GDF7: variants seen among roughly 807,000 people sequenced by gnomAD.
GDF7 encodes growth differentiation factor 7.
In GDF7, 12 loss-of-function variants were observed where a neutral mutation model predicts 13.4. The ratio of observed to expected loss-of-function variants is 0.90; its 90% CI spans 0.57 to 1.45. The LOEUF (loss-of-function observed/expected upper bound fraction) is 1.45. GDF7 is among the 40% of genes most tolerant of loss of function. GDF7 has a pLI of 0.00. For synonymous variants in GDF7, 330 were observed against 306.4 expected (o/e 1.08, Z -0.80); for missense variants, 651 against 652.4 (o/e 1.00, Z 0.02).
At position 20,677,251 on chromosome 2, in the gene GDF7, C is replaced by T. The variant is rs1662245355; in HGVS notation, c.*5826C>T. On this transcript the variant is annotated 3_prime_UTR_variant, in exon 2 of 2. Transcript: ENST00000272224. ...GAAACTTTTAATCTCTTTTCTATGT[C>T]AGTAAGGGGATGCTGAAATAAACTG... The T allele has an allele frequency of 6.6e-6, 1 of 152,214 alleles. No homozygotes were observed. The highest frequency in any genetic ancestry group is 2.4e-5 in the African/African-American group (1 of 41,454). 9.4% of individuals were successfully genotyped at this position (152,214 alleles called of 1,614,324 possible).
At position 20,671,065 on chromosome 2, in the gene GDF7, G is replaced by C. The variant is rs1170103862; in HGVS notation, c.993G>C (p.Gln331His). 29 of 1,499,454 alleles carry C rather than the reference G, an allele frequency of 1.9e-5. No individual in the cohort carries two copies. Among genetic ancestry groups the C allele is most frequent in the Middle Eastern group, 1.7e-4 (1 of 5,718 alleles). The allele number at this position is 1,499,454 out of a possible 1,614,324, so 92.9% of individuals were successfully genotyped here. The change falls in exon 2 of 2, where the codon CAG becomes CAC. Residue 331 changes from glutamine (Q) to histidine (H), a missense_variant. By Grantham distance (24) the Gln-to-His change is conservative. Transcript: ENST00000272224. ...CGTTGGCCGGGACGCGGACAGCGCA[G>C]GGCAGCGGCGGGGGCGCGGGCCGGG... ...RTALAGTRTAQGSGGGAGRGH... is the reference protein window; with the variant it reads ...RTALAGTRTAHGSGGGAGRGH...
intron 1 of GDF7, among the ~76,000 whole-genome samples, chr2:20,668,239 C>T (rs1434809256): frequency 6.6e-6 from 1 of 152,128 alleles, no homozygotes; most frequent in African/African-American, 2.4e-5. Context: ...GTGTGTGTGA[C>T]ATGTGCAGCT....
Position 20,667,214 on chromosome 2 carries a change from GC to G in GDF7, c.-23del, listed in dbSNP as rs1291376623. 2.6e-6 allele frequency: 3 copies of G among 1,152,470 alleles called. No individual in the cohort carries two copies. The highest frequency in any genetic ancestry group is 3.2e-6 in the Non-Finnish European group (3 of 936,866). 71.4% of individuals were successfully genotyped at this position (1,152,470 alleles called of 1,614,324 possible). ...TTCCCGGAGCCACGGAGCCCGCGCC[GC>G]CCGCCCGCCCGGCCCACGGAGCCCA... On this transcript the variant is annotated 5_prime_UTR_variant, in exon 1 of 2. Coordinates refer to ENST00000272224, the MANE Select transcript of GDF7 (RefSeq NM_182828.4). This position sits in a 1 kb window ranked among gnomAD's most constrained non-coding sequence, Gnocchi z 6.4.
In GDF7 at chr2:20,668,953, C is replaced by G. The variant is rs555550310; in HGVS notation, c.391+1323C>G. On this transcript the variant is annotated intron_variant, in intron 1 of 1. Transcript: ENST00000272224. ...CAGGAGAAGGGGGGTGTGCTGGGCTCTAAGTGGGCACAGGCACCAGAGTCT... is the reference window on the plus strand; with the variant it reads ...CAGGAGAAGGGGGGTGTGCTGGGCTGTAAGTGGGCACAGGCACCAGAGTCT... 4.6e-5 allele frequency among the ~76,000 whole-genome samples: 7 copies of G among 151,976 alleles called. No individual in the cohort carries two copies. In the South Asian group the frequency reaches 1.5e-3, roughly 32 times the overall value.
rs1240594036 is a variant in GDF7 at position 20,673,288 on chromosome 2, G to A, written c.*1863G>A. 6.6e-6 allele frequency: 1 copy of A among 152,116 alleles called. No homozygotes were observed. The highest frequency in any genetic ancestry group is 1.5e-5 in the Non-Finnish European group (1 of 68,032). 9.4% of individuals were successfully genotyped at this position (152,116 alleles called of 1,614,324 possible). A position where few individuals can be genotyped will look rare whatever the true frequency, so the allele number is the denominator to read the frequency against. Reference sequence around the variant, plus strand: ...GTGAATTTATATTCTGTGGCTGTATGAGTAGCTATAAATAACCAGAACATG... The same window carrying A: ...GTGAATTTATATTCTGTGGCTGTATAAGTAGCTATAAATAACCAGAACATG... On this transcript the variant is annotated 3_prime_UTR_variant, in exon 2 of 2. Transcript: ENST00000272224.
Position 20,667,935 on chromosome 2 carries a change from G to A in GDF7, c.391+305G>A, listed in dbSNP as rs1475290157. Among the ~76,000 whole-genome samples, 1 of 152,208 alleles carries A rather than the reference G, an allele frequency of 6.6e-6. No individual in the cohort carries two copies. The highest frequency in any genetic ancestry group is 1.5e-5 in the Non-Finnish European group (1 of 68,032). On this transcript the variant is annotated intron_variant, in intron 1 of 1. Coordinates refer to ENST00000272224, the MANE Select transcript of GDF7 (RefSeq NM_182828.4). This position sits in a 1 kb window ranked among gnomAD's most constrained non-coding sequence, Gnocchi z 6.4. ...AGGCGGAGGCCAAGATTCGCTTCTT[G>A]GGGAATGGTCTGGAGTGGCCTCGGA...
In GDF7 at chr2:20,671,004, G is replaced by C; in HGVS notation, c.932G>C (p.Arg311Thr). 1 of 1,549,246 alleles carries C rather than the reference G, an allele frequency of 6.5e-7. No individual in the cohort carries two copies. The highest frequency in any genetic ancestry group is 2.5e-5 in the East Asian group (1 of 39,796). Residue 311 changes from arginine to threonine, a missense_variant, in exon 2 of 2, where the codon AGG becomes ACG. Transcript: ENST00000272224. The part of the protein sequence containing the change: ...PDPGTGTASP[R>T]AVIGGRRRRR... ...CCAGGAACCGGCACCGCGTCGCCAA[G>C]GGCAGTCATTGGCGGCCGCAGACGG...
In GDF7 at chr2:20,676,920, T is replaced by A. The variant is rs1023641137; in HGVS notation, c.*5495T>A. The A allele has an allele frequency of 1.3e-5, 2 of 152,232 alleles. No homozygotes were observed. Among genetic ancestry groups the A allele is most frequent in the Non-Finnish European group, 2.9e-5 (2 of 68,048 alleles). The allele number at this position is 152,232 out of a possible 1,614,324, so 9.4% of individuals were successfully genotyped here. A position where few individuals can be genotyped will look rare whatever the true frequency, so the allele number is the denominator to read the frequency against. ...GCAGAGCAGCGTGCGATGGTCCACT[T>A]CCTCCTGCCTCTGCAGAGCTTGCAG... On this transcript the variant is annotated 3_prime_UTR_variant, in exon 2 of 2. Coordinates refer to ENST00000272224, the MANE Select transcript of GDF7 (RefSeq NM_182828.4).
chr2:20,672,404 A>T lies in GDF7; in HGVS notation c.*979A>T, dbSNP rs189473354. On this transcript the variant is annotated 3_prime_UTR_variant, in exon 2 of 2. Coordinates refer to ENST00000272224, the MANE Select transcript of GDF7 (RefSeq NM_182828.4). ...GACCTGCCAGGAGGTTTTCCTAAGA[A>T]GCCAGGGAAGAGGCTCTCAGGGCTT... The T allele has an allele frequency of 6.6e-6, 1 of 152,294 alleles. No individual in the cohort carries two copies. The highest frequency in any genetic ancestry group is 1.9e-4 in the East Asian group (1 of 5,186). The allele number at this position is 152,294 out of a possible 1,614,324, so 9.4% of individuals were successfully genotyped here.
At position 20,667,161 on chromosome 2, in the gene GDF7, A is replaced by G; in HGVS notation, c.-79A>G. On this transcript the variant is annotated 5_prime_UTR_variant, in exon 1 of 2. Transcript: ENST00000272224. This position sits in a 1 kb window ranked among gnomAD's most constrained non-coding sequence, Gnocchi z 6.4. Reference sequence around the variant, plus strand: ...CCGCGCACACTTCCCCCATTATTAAACACTATGTTCAAAAGGCGCCGGGGG... The same window carrying G: ...CCGCGCACACTTCCCCCATTATTAAGCACTATGTTCAAAAGGCGCCGGGGG... 9.6e-7 allele frequency: 1 copy of G among 1,042,976 alleles called. No homozygotes were observed. The allele number at this position is 1,042,976 out of a possible 1,614,324, so 64.6% of individuals were successfully genotyped here.
rs1301170599 is a variant in GDF7 at position 20,671,642 on chromosome 2, G to A, written c.*217G>A. 7.0e-6 allele frequency: 4 copies of A among 573,546 alleles called. No individual in the cohort carries two copies. The highest frequency in any genetic ancestry group is 1.2e-5 in the Non-Finnish European group (4 of 322,046). The allele number at this position is 573,546 out of a possible 1,614,324, so 35.5% of individuals were successfully genotyped here. ...AAGCCTTGGGAAGAGATGACCTGCC[G>A]GTACCGAATGTCAAAGCCCTGTGTA... On this transcript the variant is annotated 3_prime_UTR_variant, in exon 2 of 2. Transcript: ENST00000272224.
Position 20,667,362 on chromosome 2 carries a change from G to GGGCAGC in GDF7, c.126_127insAGCGGC (p.Gly42_Gly43insSerGly). On this transcript the variant is annotated inframe_insertion, in exon 1 of 2. Transcript: ENST00000272224. The surrounding 1 kb of genome is among the most constrained non-coding windows in gnomAD (Gnocchi z 6.4). Reference sequence around the variant, plus strand: ...GGGCTGGGCCGGTCCGGAGCCCAGGGGGCGGCGGCGGCGGCGGCGGCGGCG... The same window carrying GGGCAGC: ...GGGCTGGGCCGGTCCGGAGCCCAGGGGGCAGCGGCGGCGGCGGCGGCGGCGGCGGCG... 1.2e-6 allele frequency: 1 copy of GGGCAGC among 808,850 alleles called. No homozygotes were observed. Among genetic ancestry groups the GGGCAGC allele is most frequent in the Non-Finnish European group, 1.5e-6 (1 of 671,716 alleles). The allele number at this position is 808,850 out of a possible 1,614,324, so 50.1% of individuals were successfully genotyped here.
rs1057335809 is a variant in GDF7, at chr2:20,676,467, A to G, written c.*5042A>G. 2 of 152,284 alleles carry G rather than the reference A, an allele frequency of 1.3e-5. No homozygotes were observed. Among genetic ancestry groups the G allele is most frequent in the African/African-American group, 4.8e-5 (2 of 41,466 alleles). 9.4% of individuals were successfully genotyped at this position (152,284 alleles called of 1,614,324 possible). A position where few individuals can be genotyped will look rare whatever the true frequency, so the allele number is the denominator to read the frequency against. ...TGTGTGCACAGCTTAGTGCGTCACA[A>G]ATAGTAACTGAGTGAGGCTGTTGTG... On this transcript the variant is annotated 3_prime_UTR_variant, in exon 2 of 2. Transcript: ENST00000272224.
Position 20,667,554 on chromosome 2 carries a change from CG to C in GDF7, c.319del (p.Ala107GlnfsTer97), listed in dbSNP as rs1310950479. 1 of 1,482,214 alleles carries C rather than the reference CG, an allele frequency of 6.7e-7. No homozygotes were observed. The highest frequency in any genetic ancestry group is 8.9e-7 in the Non-Finnish European group (1 of 1,122,920). The allele number at this position is 1,482,214 out of a possible 1,614,324, so 91.8% of individuals were successfully genotyped here. ...YRSLAGRAPA[G>X]AAAVSASGHG... Reference sequence around the variant, plus strand: ...GGAGCCTGGCCGGGAGGGCTCCGGCCGGGGCAGCCGCTGTCTCCGCCTCGGG... The same window carrying C: ...GGAGCCTGGCCGGGAGGGCTCCGGCCGGGCAGCCGCTGTCTCCGCCTCGGG... On this transcript the variant is annotated frameshift_variant, in exon 1 of 2. Coordinates refer to ENST00000272224, the MANE Select transcript of GDF7 (RefSeq NM_182828.4). LOFTEE classifies it high-confidence loss of function. This position sits in a 1 kb window ranked among gnomAD's most constrained non-coding sequence, Gnocchi z 6.4.
Position 20,667,901 on chromosome 2 carries a change from C to G in GDF7, c.391+271C>G, listed in dbSNP as rs970485593. Among the ~76,000 whole-genome samples the G allele has an allele frequency of 6.6e-6, 1 of 152,188 alleles. No individual in the cohort carries two copies. Among genetic ancestry groups the G allele is most frequent in the African/African-American group, 2.4e-5 (1 of 41,462 alleles). Reference sequence around the variant, plus strand: ...GGCCTTGCAGGCCGGCTGGTCCCCTCGAGGAGGCAGGCGGAGGCCAAGATT... The same window carrying G: ...GGCCTTGCAGGCCGGCTGGTCCCCTGGAGGAGGCAGGCGGAGGCCAAGATT... On this transcript the variant is annotated intron_variant, in intron 1 of 1. Coordinates refer to ENST00000272224, the MANE Select transcript of GDF7 (RefSeq NM_182828.4). This position sits in a 1 kb window ranked among gnomAD's most constrained non-coding sequence, Gnocchi z 6.4.
Position 20,667,573 on chromosome 2 carries a change from G to A in GDF7, c.334G>A (p.Ala112Thr), listed in dbSNP as rs202122063. The change falls in exon 1 of 2, where the codon GCC becomes ACC. Residue 112 changes from alanine (A) to threonine (T), a missense_variant. This residue lies in a region of GDF7 where 487 missense variants were observed against 445.9 expected (regional missense o/e 1.09). Transcript: ENST00000272224. This position sits in a 1 kb window ranked among gnomAD's most constrained non-coding sequence, Gnocchi z 6.4. ...RAPAGAAAVS[A>T]SGHGRADTIT... is the part of the protein sequence containing the mutation. The stretch of plus-strand genomic sequence containing the variant: ...TCCGGCCGGGGCAGCCGCTGTCTCC[G>A]CCTCGGGCCATGGTCGCGCGGACAC... 251 of 1,507,800 alleles carry A rather than the reference G, an allele frequency of 1.7e-4. No homozygotes were observed. The highest frequency in any genetic ancestry group is 2.0e-4 in the Non-Finnish European group (225 of 1,135,312). 93.4% of individuals were successfully genotyped at this position (1,507,800 alleles called of 1,614,324 possible).
Position 20,670,810 on chromosome 2 carries a change from A to G in GDF7, c.738A>G (p.Ala246=). 2 of 1,492,458 alleles carry G rather than the reference A, an allele frequency of 1.3e-6. No homozygotes were observed. The highest frequency in any genetic ancestry group is 2.6e-5 in the South Asian group (2 of 78,396). The allele number at this position is 1,492,458 out of a possible 1,614,324, so 92.5% of individuals were successfully genotyped here. Residue 246 remains alanine (A), a synonymous_variant, in exon 2 of 2, where the codon GCA becomes GCG. Coordinates refer to ENST00000272224, the MANE Select transcript of GDF7 (RefSeq NM_182828.4). The part of the protein sequence containing the change: ...AVAGPVPSPL[A]LRRLGFGWPG... The stretch of plus-strand genomic sequence containing the variant: ...CAGGCCCGGTGCCGAGCCCGTTGGC[A>G]CTGCGGCGGCTGGGCTTCGGCTGGC...
At position 20,672,097 on chromosome 2, in the gene GDF7, C is replaced by A. The variant is rs1158045896; in HGVS notation, c.*672C>A. The A allele has an allele frequency of 7.5e-5, 10 of 133,218 alleles. No homozygotes were observed. Among genetic ancestry groups the A allele is most frequent in the Non-Finnish European group, 1.2e-4 (8 of 65,110 alleles). 8.3% of individuals were successfully genotyped at this position (133,218 alleles called of 1,614,324 possible). A position where few individuals can be genotyped will look rare whatever the true frequency, so the allele number is the denominator to read the frequency against. ...GAGCTTCCCAGATTTCTGCAAAGGT[C>A]GGTACCGCCACCCCCCCCCCCCCCC... On this transcript the variant is annotated 3_prime_UTR_variant, in exon 2 of 2. Transcript: ENST00000272224.
Position 20,667,359 on chromosome 2 carries a change from A to AGGGGGCGGC in GDF7, c.123_131dup (p.Gly48_Gly50dup), listed in dbSNP as rs1553327097. 6.4e-6 allele frequency: 2 copies of AGGGGGCGGC among 311,444 alleles called. No homozygotes were observed. The highest frequency in any genetic ancestry group is 1.3e-4 in the African/African-American group (2 of 15,620). 19.3% of individuals were successfully genotyped at this position (311,444 alleles called of 1,614,324 possible). A position where few individuals can be genotyped will look rare whatever the true frequency, so the allele number is the denominator to read the frequency against. On this transcript the variant is annotated inframe_insertion, in exon 1 of 2. Coordinates refer to ENST00000272224, the MANE Select transcript of GDF7 (RefSeq NM_182828.4). This position sits in a 1 kb window ranked among gnomAD's most constrained non-coding sequence, Gnocchi z 6.4. ...CGGGGGCTGGGCCGGTCCGGAGCCC[A>AGGGGGCGGC]GGGGGCGGCGGCGGCGGCGGCGGCG...
Sources: gnomAD v4.1 joint callset for allele counts (sites outside exome capture counted in the v4.1 genomes callset) on GRCh38, gnomAD v4.1.1 for gene constraint, gnomAD v4.1.1 regional missense constraint, Gnocchi (gnomAD v3.1) non-coding constraint, MANE v1.5 for transcripts, NCBI Gene and HGNC (gene_info 2026-07-23, HGNC 2026-07-21) for gene names.